The following KHDRBS2 variants were observed in gnomAD, a reference collection of about 807,000 sequenced individuals.
KHDRBS2 encodes the protein KH domain-containing, RNA-binding, signal transduction-associated protein 2.
KHDRBS2 carries 26 observed loss-of-function variants against 44.3 expected under a neutral mutation model. That is an observed-to-expected ratio of 0.59 (90% confidence interval 0.43 to 0.81). KHDRBS2 has a LOEUF of 0.81. Ranked by LOEUF, KHDRBS2 falls within the 40% of genes least tolerant of loss-of-function variation. KHDRBS2 has a pLI of 0.00. For missense variants in KHDRBS2, 476 were observed against 433.1 expected, an observed-to-expected ratio of 1.10 and a Z score of -0.88; for synonymous variants, 194 against 151.1, an observed-to-expected ratio of 1.28 and a Z score of -2.08.
chr6:61,955,322 G>C (rs1212707354), intron 4 of KHDRBS2, among the ~76,000 whole-genome samples: 1 of 138,204 alleles, frequency 7.2e-6, no homozygotes, highest in South Asian at 2.4e-4. Flanking sequence ...ATACATATAC[G>C]TGTATATATA....
chr6:61,775,610 A>G (rs1285557212), intron 6 of KHDRBS2, among the ~76,000 whole-genome samples: 3 of 152,126 alleles, frequency 2.0e-5, no homozygotes, highest in Admixed American at 6.6e-5. Context: ...TCTTCAAGGA[A>G]AACTACAAAC....
chr6:61,639,963 T>C, the KHDRBS2 span, among the ~76,000 whole-genome samples: 1 of 151,920 alleles, frequency 6.6e-6, no homozygotes, highest in Non-Finnish European at 1.5e-5. Flanking sequence ...TAACCAAAAG[T>C]GATGTGTGGA....
At chr6:61,826,371 C>T (rs1273684555) in intron 6 of KHDRBS2, among the ~76,000 whole-genome samples, 1 of 152,088 alleles carries the variant, frequency 6.6e-6, no homozygotes, top group Non-Finnish European at 1.5e-5. Flanking sequence ...GTATATCTCC[C>T]TCTGCCACAT....
At chr6:62,200,196 T>C (rs1185618133) in intron 1 of KHDRBS2, among the ~76,000 whole-genome samples, 3 of 151,748 alleles carry the variant, frequency 2.0e-5, no homozygotes, top group African/African-American at 2.4e-5. Flanking sequence ...ATGTCTAAAA[T>C]ATCAAAAGCA....
At chr6:61,909,842 G>C (rs1028517499) in intron 4 of KHDRBS2, among the ~76,000 whole-genome samples, 1 of 152,178 alleles carries the variant, frequency 6.6e-6, no homozygotes, top group Non-Finnish European at 1.5e-5. Context: ...CTACCTGGTG[G>C]TGCAGTGAGG....
rs1162340451 is a variant in KHDRBS2, at chr6:62,056,432, C to T, written c.220-8438G>A. ...CAGGGATAATAATAAACACAAAATC[C>T]ATGATCTTGGTAATCTCTGGGAATG... On this transcript the variant is annotated intron_variant, in intron 2 of 8. Coordinates refer to ENST00000281156, the MANE Select transcript of KHDRBS2 (RefSeq NM_152688.4). 2.6e-5 allele frequency among the ~76,000 whole-genome samples: 4 copies of T among 151,764 alleles called. No individual in the cohort carries two copies. The East Asian group carries it at 5.8e-4, about 22-fold the overall frequency.
At chr6:61,553,001 G>C in the KHDRBS2 span, among the ~76,000 whole-genome samples, 1 of 152,142 alleles carries the variant, frequency 6.6e-6, no homozygotes, top group Non-Finnish European at 1.5e-5. Context: ...TTGGTATCAG[G>C]ATGATGGTGG....
intron 2 of KHDRBS2, among the ~76,000 whole-genome samples, chr6:62,152,826 T>G (rs192265063): frequency 2.0e-5 from 3 of 152,282 alleles, no homozygotes; most frequent in Admixed American, 6.5e-5. Flanking sequence ...GAGAAGTAAC[T>G]TGTGCATGAC....
At chr6:61,896,839 C>G (rs1267132981) in intron 5 of KHDRBS2, among the ~76,000 whole-genome samples, 2 of 152,184 alleles carry the variant, frequency 1.3e-5, no homozygotes, top group Non-Finnish European at 2.9e-5. Context: ...CACTAGATTT[C>G]TTTACAGTCT....
At chr6:61,777,969 C>CA (rs1368925366) in intron 6 of KHDRBS2, among the ~76,000 whole-genome samples, 1 of 151,984 alleles carries the variant, frequency 6.6e-6, no homozygotes, top group Non-Finnish European at 1.5e-5. Context: ...GCCTAGTACC[C>CA]AATAGTAATT....
At chr6:61,591,834 A>T in the KHDRBS2 span, among the ~76,000 whole-genome samples, 1 of 152,176 alleles carries the variant, frequency 6.6e-6, no homozygotes, top group Non-Finnish European at 1.5e-5. Flanking sequence ...GGTCAAGGTA[A>T]AACTTTCCCT....
the KHDRBS2 span, among the ~76,000 whole-genome samples, chr6:61,615,233 CAAAAAAA>C: frequency 0.011 from 639 of 58,584 alleles, 9 homozygotes; most frequent in Admixed American, 0.018. Context: ...ACTCCATCTC[CAAAAAAA>C]AAAAAAAAAA....
chr6:61,561,633 C>T, the KHDRBS2 span, among the ~76,000 whole-genome samples: 1 of 152,146 alleles, frequency 6.6e-6, no homozygotes. Context: ...ACCCCCACAA[C>T]AGACACATGA....
chr6:61,819,066 T>C (rs1319759673), intron 6 of KHDRBS2, among the ~76,000 whole-genome samples: 3 of 152,024 alleles, frequency 2.0e-5, no homozygotes, highest in African/African-American at 7.2e-5. Flanking sequence ...CTTAATTTTT[T>C]CCAATATATT....
At chr6:61,874,343 T>G (rs1286215496) in intron 6 of KHDRBS2, among the ~76,000 whole-genome samples, 1 of 152,160 alleles carries the variant, frequency 6.6e-6, no homozygotes, top group Non-Finnish European at 1.5e-5. Context: ...TTTGTCAACA[T>G]AGTATAAGAA....
At chr6:62,259,487 A>G (rs1468476819) in intron 1 of KHDRBS2, among the ~76,000 whole-genome samples, 1 of 152,042 alleles carries the variant, frequency 6.6e-6, no homozygotes, top group South Asian at 2.1e-4. Flanking sequence ...ATTATTCATT[A>G]CTTCATTATA....
At chr6:61,606,351 G>T in the KHDRBS2 span, among the ~76,000 whole-genome samples, 1 of 152,024 alleles carries the variant, frequency 6.6e-6, no homozygotes, top group Non-Finnish European at 1.5e-5. Flanking sequence ...GAGCAGAGTG[G>T]GTTTGGTTAT....
intron 3 of KHDRBS2, among the ~76,000 whole-genome samples, chr6:62,035,346 A>G (rs1293686552): frequency 6.6e-6 from 1 of 152,060 alleles, no homozygotes; most frequent in African/African-American, 2.4e-5. Context: ...TTGTAACAAC[A>G]TGGATGGAAA....
chr6:61,903,998 C>G (rs1278377127), intron 4 of KHDRBS2, among the ~76,000 whole-genome samples: 2 of 152,160 alleles, frequency 1.3e-5, no homozygotes, highest in Non-Finnish European at 2.9e-5. Flanking sequence ...TAATAAATCG[C>G]TGCTTTATGC....
Sources: gnomAD v4.1 joint callset for allele counts (sites outside exome capture counted in the v4.1 genomes callset) on GRCh38, gnomAD v4.1.1 for gene constraint, MANE v1.5 for transcripts, NCBI Gene and HGNC (gene_info 2026-07-23, HGNC 2026-07-21) for gene names.